NDUFAF7: variants seen among roughly 807,000 people sequenced by gnomAD.
NDUFAF7 encodes protein arginine methyltransferase NDUFAF7, mitochondrial.
A neutral mutation model predicts 47.2 loss-of-function variants in NDUFAF7; 48 were observed. The observed-to-expected ratio is 1.02, with a 90% CI of 0.81 to 1.29. The LOEUF (loss-of-function observed/expected upper bound fraction) is 1.29, where lower values mean the gene tolerates loss of function less well. Among genes scored for constraint, NDUFAF7 ranks in the 50% most tolerant of loss-of-function variants. The pLI, the probability that NDUFAF7 is intolerant of heterozygous loss-of-function variation, is 0.00. For missense variants in NDUFAF7, 635 were observed against 537.6 expected, an observed-to-expected ratio of 1.18 and a Z score of -1.79; for synonymous variants, 217 against 190.0, an observed-to-expected ratio of 1.14 and a Z score of -1.17.
chr2:37,236,313 T>G, intron 3 of NDUFAF7, 137 bp downstream of exon 3: 1 of 772,404 alleles, frequency 1.3e-6, no homozygotes, highest in African/African-American at 1.7e-5. Context: ...GTTTATGTAC[T>G]GAGGGAATAG....
chr2:37,266,054 T>G, the NDUFAF7 span, among the ~76,000 whole-genome samples: 9 of 152,322 alleles, frequency 5.9e-5, no homozygotes, highest in African/African-American at 2.2e-4. Flanking sequence ...ACTATTCATA[T>G]TCAACAGAGT....
the NDUFAF7 span, among the ~76,000 whole-genome samples, chr2:37,263,403 T>C: frequency 6.6e-6 from 1 of 152,216 alleles, no homozygotes; most frequent in Non-Finnish European, 1.5e-5. Context: ...CATTCTTTGT[T>C]TTTAGGGTAC....
At chr2:37,244,910 T>C (rs1338045452) in intron 7 of NDUFAF7, among the ~76,000 whole-genome samples, 1 of 148,650 alleles carries the variant, frequency 6.7e-6, no homozygotes, top group Admixed American at 6.7e-5. Flanking sequence ...CTAATTAGTA[T>C]TCACTTAGGA....
downstream of NDUFAF7, chr2:37,256,641 T>A (rs752733905): frequency 8.2e-5 from 114 of 1,383,144 alleles, no homozygotes; most frequent in South Asian, 3.2e-4. Flanking sequence ...TTTTTTTTTT[T>A]TTTTTTTTTT....
At chr2:37,238,271 A>G (rs1425404604) in intron 4 of NDUFAF7, among the ~76,000 whole-genome samples, 1 of 152,044 alleles carries the variant, frequency 6.6e-6, no homozygotes, top group African/African-American at 2.4e-5. Context: ...CTCTAGTAAA[A>G]ATACAAAAAT....
chr2:37,262,643 TG>T, the NDUFAF7 span, among the ~76,000 whole-genome samples: 2 of 151,862 alleles, frequency 1.3e-5, no homozygotes, highest in Non-Finnish European at 2.9e-5. Context: ...GAAATGTGAC[TG>T]TTTTGCTAGG....
the NDUFAF7 span, chr2:37,268,219 C>T: frequency 4.6e-6 from 2 of 433,002 alleles, no homozygotes; most frequent in Non-Finnish European, 9.4e-6. Flanking sequence ...TAGATTAACT[C>T]ATTTGTCTCA....
At chr2:37,253,123 G>C, downstream of NDUFAF7, 1 of 1,501,796 alleles carries the variant, frequency 6.7e-7, no homozygotes, top group Non-Finnish European at 9.1e-7. Context: ...AAGTTACACA[G>C]CAAAATATCA....
the NDUFAF7 span, chr2:37,260,198 T>TA: frequency 8.0e-3 from 9,073 of 1,130,860 alleles, no homozygotes; most frequent in Non-Finnish European, 8.7e-3. Context: ...ATCGCTAGTT[T>TA]AAAAAAAAAA....
In NDUFAF7 at chr2:37,247,515, A is replaced by G. The variant is rs2148444128; in HGVS notation, c.996A>G (p.Thr332=). The change falls in exon 9 of 10, where the codon ACA becomes ACG. Residue 332 remains threonine, a synonymous_variant. Coordinates refer to ENST00000002125, the MANE Select transcript of NDUFAF7 (RefSeq NM_144736.5). ...TTGCCCCAGGAACAGCAGATCTAAC[A>G]GCTGATGTGGACTTCAGTTATTTGC... The part of the protein sequence containing the change: ...VLIAPGTADL[T]ADVDFSYLRR... The G allele has an allele frequency of 6.2e-7, 1 of 1,614,084 alleles. No homozygotes were observed. Among genetic ancestry groups the G allele is most frequent in the East Asian group, 2.2e-5 (1 of 44,868 alleles).
At chr2:37,239,395 A>T (rs1278314607) in intron 4 of NDUFAF7, among the ~76,000 whole-genome samples, 1 of 152,206 alleles carries the variant, frequency 6.6e-6, no homozygotes, top group Non-Finnish European at 1.5e-5. Flanking sequence ...CTGGGATTAC[A>T]GGCATGAGCC....
At chr2:37,246,746 GTTC>G (rs973810466) in intron 8 of NDUFAF7, among the ~76,000 whole-genome samples, 7 of 146,884 alleles carry the variant, frequency 4.8e-5, no homozygotes, top group Admixed American at 2.1e-4. Context: ...TAGGTCTGTG[GTTC>G]TTAATTTCTA....
intron 2 of NDUFAF7, 122 bp from the exon 3 acceptor site, chr2:37,235,974 A>C: frequency 2.3e-6 from 2 of 863,164 alleles, no homozygotes; most frequent in Non-Finnish European, 3.8e-6. Context: ...GCTTATTTAG[A>C]GGAGAGAACT....
At chr2:37,270,103 T>A in the NDUFAF7 span, among the ~76,000 whole-genome samples, 1 of 152,028 alleles carries the variant, frequency 6.6e-6, no homozygotes, top group Non-Finnish European at 1.5e-5. Context: ...GGTGCATGCC[T>A]GTAATCCTAG....
downstream of NDUFAF7, among the ~76,000 whole-genome samples, chr2:37,254,826 T>C (rs1174582504): frequency 6.6e-6 from 1 of 152,324 alleles, no homozygotes; most frequent in East Asian, 1.9e-4. Flanking sequence ...ATTGAGGTGG[T>C]AGCTTAACTA....
At chr2:37,247,947 GCAAATCCT>G (rs1667102187) in intron 9 of NDUFAF7, among the ~76,000 whole-genome samples, 180 bp from the exon 10 acceptor site, 1 of 152,180 alleles carries the variant, frequency 6.6e-6, no homozygotes, top group South Asian at 2.1e-4. Flanking sequence ...TGTTAAAAAT[GCAAATCCT>G]TAGGTTTGTT....
chr2:37,240,593 G>C (rs935373925), intron 4 of NDUFAF7, among the ~76,000 whole-genome samples: 1 of 151,936 alleles, frequency 6.6e-6, no homozygotes, highest in Non-Finnish European at 1.5e-5. Flanking sequence ...AATTTCCAGG[G>C]CTCTATTTTA....
At chr2:37,260,408 T>C in the NDUFAF7 span, 10 of 1,587,934 alleles carry the variant, frequency 6.3e-6, no homozygotes, top group African/African-American at 8.1e-5. Context: ...GCAAGATACA[T>C]GAGCAACTTA....
chr2:37,259,063 A>C, the NDUFAF7 span, among the ~76,000 whole-genome samples: 1 of 152,090 alleles, frequency 6.6e-6, no homozygotes, highest in Non-Finnish European at 1.5e-5. Flanking sequence ...AAAAAAAAAA[A>C]ACTCAACTGA....
Sources: gnomAD v4.1 joint callset for allele counts (sites outside exome capture counted in the v4.1 genomes callset) on GRCh38, gnomAD v4.1.1 for gene constraint, MANE v1.5 for transcripts, NCBI Gene and HGNC (gene_info 2026-07-23, HGNC 2026-07-21) for gene names.